Variants in NSD1 observed in about 807,000 individuals in gnomAD.
The protein encoded by NSD1 is nuclear receptor binding SET domain protein 1.
In NSD1, 26 loss-of-function variants were observed where a neutral mutation model predicts 242.7. The ratio of observed to expected loss-of-function variants is 0.11; its 90% CI spans 0.08 to 0.15. The LOEUF (loss-of-function observed/expected upper bound fraction) is 0.15, where lower values mean the gene tolerates loss of function less well. NSD1 is among the 10% of genes least tolerant of loss of function. The pLI is 1.00. For synonymous variants in NSD1, 1,106 were observed against 1,178.1 expected (o/e 0.94, Z 1.25); for missense variants, 2,495 against 3,272.8 (o/e 0.76, Z 5.80).
chr5:177,264,596 A>G (rs1280795474), intron 14 of NSD1, among the ~76,000 whole-genome samples: 1 of 152,214 alleles, frequency 6.6e-6, no homozygotes, highest in Non-Finnish European at 1.5e-5. Flanking sequence ...ACTATACAAT[A>G]CAGACAAAAG....
chr5:177,196,597 C>T (rs547779425), intron 3 of NSD1, among the ~76,000 whole-genome samples: 181 of 152,226 alleles, frequency 1.2e-3, no homozygotes, highest in African/African-American at 4.2e-3. Flanking sequence ...CTGAATAGAT[C>T]GTCATTTACT....
At chr5:177,156,420 CT>C (rs1164459605) in intron 2 of NSD1, among the ~76,000 whole-genome samples, 1 of 152,002 alleles carries the variant, frequency 6.6e-6, no homozygotes, top group Non-Finnish European at 1.5e-5. Context: ...ACCTCGTGAT[CT>C]GTCTTCCTCA....
At chr5:177,193,742 C>T (rs1435538802) in intron 3 of NSD1, among the ~76,000 whole-genome samples, 1 of 152,140 alleles carries the variant, frequency 6.6e-6, no homozygotes, top group South Asian at 2.1e-4. Flanking sequence ...CTCCTTTCAA[C>T]AGGCAACCAA....
intron 8 of NSD1, among the ~76,000 whole-genome samples, chr5:177,240,421 A>G (rs1055363848): frequency 4.0e-5 from 6 of 151,876 alleles, no homozygotes; most frequent in African/African-American, 1.5e-4. Flanking sequence ...CAAGAAATCT[A>G]GTGTGATGGT....
At chr5:177,144,852 G>C (rs1054534140) in intron 2 of NSD1, among the ~76,000 whole-genome samples, 1 of 151,992 alleles carries the variant, frequency 6.6e-6, no homozygotes. Flanking sequence ...GAGGCTGAGG[G>C]GGTGGATTAT....
intron 17 of NSD1, among the ~76,000 whole-genome samples, chr5:177,274,869 G>C (rs143800679): frequency 6.6e-6 from 1 of 152,074 alleles, no homozygotes; most frequent in African/African-American, 2.4e-5. Context: ...GAGTAGCTGG[G>C]ATTACAGGCG....
At chr5:177,166,603 T>G (rs1262712259) in intron 2 of NSD1, among the ~76,000 whole-genome samples, 3 of 152,014 alleles carry the variant, frequency 2.0e-5, no homozygotes, top group South Asian at 2.1e-4. Flanking sequence ...ACCTATTTTT[T>G]TTGTTGTTGC....
chr5:177,171,232 G>A (rs1759678090), intron 2 of NSD1, among the ~76,000 whole-genome samples: 1 of 151,924 alleles, frequency 6.6e-6, no homozygotes. Context: ...GCTTGAACCA[G>A]GGGGGCAGAG....
intron 17 of NSD1, among the ~76,000 whole-genome samples, chr5:177,275,400 C>G (rs930062539): frequency 7.3e-6 from 1 of 136,156 alleles, no homozygotes; most frequent in African/African-American, 2.7e-5. Context: ...AGTATTTCAT[C>G]GTGCTTATAT....
intron 8 of NSD1, among the ~76,000 whole-genome samples, chr5:177,242,884 A>G (rs1321770858): frequency 1.3e-5 from 2 of 152,284 alleles, no homozygotes; most frequent in East Asian, 3.9e-4. Flanking sequence ...TTTTACAGTT[A>G]TGATGAAGAA....
intron 4 of NSD1, among the ~76,000 whole-genome samples, chr5:177,206,256 T>C (rs558435433): frequency 1.3e-5 from 2 of 152,280 alleles, no homozygotes; most frequent in African/African-American, 4.8e-5. Context: ...TGCCTTGGTT[T>C]CCCAAAGTGC....
chr5:177,273,416 T>A (rs1758104833), intron 16 of NSD1, among the ~76,000 whole-genome samples: 1 of 152,030 alleles, frequency 6.6e-6, no homozygotes, highest in Admixed American at 6.5e-5. Context: ...GCCAGTGATC[T>A]AAAGGGTGAT....
At chr5:177,265,997 A>G in intron 14 of NSD1, 1 of 1,041,666 alleles carries the variant, frequency 9.6e-7, no homozygotes, top group South Asian at 1.3e-5. Flanking sequence ...GGTTTCCTTG[A>G]TGGCCACATC....
At chr5:177,147,814 T>A (rs776646120) in intron 2 of NSD1, among the ~76,000 whole-genome samples, 8 of 152,184 alleles carry the variant, frequency 5.3e-5, no homozygotes, top group Non-Finnish European at 7.4e-5. Flanking sequence ...AGTCTTGAAC[T>A]CCTGGCCTCA....
intron 2 of NSD1, among the ~76,000 whole-genome samples, chr5:177,183,779 C>T (rs979591897): frequency 2.0e-5 from 3 of 151,990 alleles, no homozygotes; most frequent in African/African-American, 4.8e-5. Flanking sequence ...TCCTCACTTC[C>T]ATCTTTCTAC....
intron 5 of NSD1, among the ~76,000 whole-genome samples, chr5:177,235,433 A>G (rs1173707034): frequency 6.6e-6 from 1 of 152,210 alleles, no homozygotes; most frequent in Non-Finnish European, 1.5e-5. Context: ...CAGATAAGGC[A>G]TACTTAGCCT....
At chr5:177,227,150 GATTGGCCATGA>G (rs1291435956) in intron 5 of NSD1, among the ~76,000 whole-genome samples, 1 of 152,180 alleles carries the variant, frequency 6.6e-6, no homozygotes, top group East Asian at 1.9e-4. Context: ...GATAAAAATA[GATTGGCCATGA>G]ATTTGTAATC....
chr5:177,273,912 A>G (rs1758143924), intron 17 of NSD1, 128 bp downstream of exon 17: 1 of 681,346 alleles, frequency 1.5e-6, no homozygotes, highest in Non-Finnish European at 2.6e-6. Context: ...AGCTTAAAAG[A>G]AGATCAGAAA....
chr5:177,152,476 CTTTT>C (rs35553344), intron 2 of NSD1, among the ~76,000 whole-genome samples: 2 of 110,514 alleles, frequency 1.8e-5, no homozygotes, highest in South Asian at 2.9e-4. Flanking sequence ...TCAAGCGATT[CTTTT>C]TTTTTTTTTT....
Sources: allele counts gnomAD v4.1 joint callset (sites outside exome capture counted in the v4.1 genomes callset), GRCh38; gene constraint gnomAD v4.1.1; transcripts MANE v1.5; gene names NCBI Gene and HGNC (gene_info 2026-07-23, HGNC 2026-07-21).